SETD2: variants seen among roughly 807,000 people sequenced by gnomAD.
SETD2 encodes histone-lysine N-methyltransferase SETD2.
Under a neutral mutation model 242.1 loss-of-function variants are expected in SETD2, and 31 were observed. That is an observed-to-expected ratio of 0.13 (90% CI 0.10 to 0.17). The LOEUF (loss-of-function observed/expected upper bound fraction) is 0.17, where lower values mean the gene tolerates loss of function less well. Among genes scored for constraint, SETD2 ranks in the 10% least tolerant of loss-of-function variants. The pLI is 1.00. For synonymous variants in SETD2, 1,006 were observed against 1,066.5 expected (o/e 0.94, Z 1.11); for missense variants, 2,481 against 3,046.3 (o/e 0.81, Z 4.37).
chr3:47,056,637 G>A (rs1380753227), intron 15 of SETD2, among the ~76,000 whole-genome samples, 184 bp downstream of exon 15: 2 of 152,122 alleles, frequency 1.3e-5, no homozygotes, highest in African/African-American at 4.8e-5. Context: ...AGCTGCTTCT[G>A]AGTTACTTAT....
At chr3:47,151,657 A>T (rs904645279) in intron 1 of SETD2, among the ~76,000 whole-genome samples, 1 of 151,946 alleles carries the variant, frequency 6.6e-6, no homozygotes, top group Non-Finnish European at 1.5e-5. Context: ...GTGAAACTCC[A>T]TCTCTGCTAA....
chr3:47,083,942 A>C lies in SETD2; in HGVS notation c.5838T>G (p.Ala1946=). ...CKVDSETNIE[A]SKLPTSEPEA... is the part of the protein sequence containing the mutation. ...CTGGTTCAGATGTAGGTAGCTTACT[A>C]GCTTCTATGTTGGTTTCACTATCAA... The change falls in exon 12 of 21, where the codon GCT becomes GCG. Residue 1946 remains alanine (A), a synonymous_variant. Coordinates refer to ENST00000409792, the MANE Select transcript of SETD2 (RefSeq NM_014159.7). The C allele has an allele frequency of 6.2e-7, 1 of 1,614,098 alleles. No individual in the cohort carries two copies. Among genetic ancestry groups the C allele is most frequent in the Non-Finnish European group, 8.5e-7 (1 of 1,180,004 alleles).
intron 8 of SETD2, 97 bp from the exon 9 acceptor site, chr3:47,098,178 T>A (rs2107675536): frequency 7.9e-7 from 1 of 1,273,222 alleles, no homozygotes; most frequent in Admixed American, 2.5e-5. Flanking sequence ...CTAAACAAAA[T>A]CAAACAAACA....
chr3:47,029,502 A>G (rs1025250099), intron 18 of SETD2, among the ~76,000 whole-genome samples: 1 of 151,720 alleles, frequency 6.6e-6, no homozygotes, highest in Admixed American at 6.6e-5. Context: ...AAAACAAAAT[A>G]AAAAACACAC....
At chr3:47,147,638 T>C (rs981265953) in intron 1 of SETD2, among the ~76,000 whole-genome samples, 1 of 150,884 alleles carries the variant, frequency 6.6e-6, no homozygotes, top group South Asian at 2.1e-4. Context: ...TAAGATAGTT[T>C]CTAGGCCGGG....
At position 47,105,776 on chromosome 3, in the gene SETD2, G is replaced by A. The variant is rs892033646; in HGVS notation, c.4839+221C>T. 4 of 471,226 alleles carry A rather than the reference G, an allele frequency of 8.5e-6. No homozygotes were observed. Among genetic ancestry groups the A allele is most frequent in the South Asian group, 1.9e-5 (1 of 52,676 alleles). The allele number at this position is 471,226 out of a possible 1,614,324, so 29.2% of individuals were successfully genotyped here. The stretch of plus-strand genomic sequence containing the variant: ...AAATTAGCAAGGCGTGGTGGCGGGC[G>A]CCTGTAATCCCAGCTACTCAGGAAG... On this transcript the variant is annotated intron_variant, in intron 6 of 20. Transcript: ENST00000409792.
intron 9 of SETD2, among the ~76,000 whole-genome samples, chr3:47,090,983 A>G (rs2041781052): frequency 1.3e-5 from 2 of 152,222 alleles, no homozygotes; most frequent in Non-Finnish European, 1.5e-5. Context: ...AACAAGAATA[A>G]ATGAGAAAAA....
At chr3:47,045,808 C>G (rs1294246548) in intron 16 of SETD2, among the ~76,000 whole-genome samples, 1 of 141,360 alleles carries the variant, frequency 7.1e-6, no homozygotes, top group African/African-American at 2.6e-5. Context: ...TGGAGTCTTG[C>G]TCTGTCACCT....
In SETD2 at chr3:47,057,113, G is replaced by A; in HGVS notation, c.6671C>T (p.Pro2224Leu). 1 of 1,614,230 alleles carries A rather than the reference G, an allele frequency of 6.2e-7. No individual in the cohort carries two copies. The highest frequency in any genetic ancestry group is 8.5e-7 in the Non-Finnish European group (1 of 1,180,026). ...TEPLSAPPPV[P>L]VVPHVAAPVE... ...AGGAGCTGCCACATGTGGCACCACT[G>A]GTACTGGTGGAGGGGCAGAAAGGGG... The change falls in exon 15 of 21, where the codon CCA becomes CTA. Residue 2224 changes from proline to leucine, a missense_variant. Physicochemically the swap from Pro to Leu is moderately conservative, Grantham distance 98. Transcript: ENST00000409792.
chr3:47,071,625 G>A (rs1174978761), intron 12 of SETD2, among the ~76,000 whole-genome samples: 1 of 150,508 alleles, frequency 6.6e-6, no homozygotes, highest in Non-Finnish European at 1.5e-5. Context: ...GGAAATTTAA[G>A]AAACAATAAC....
intron 15 of SETD2, among the ~76,000 whole-genome samples, chr3:47,053,322 T>G (rs2039928975): frequency 6.6e-6 from 1 of 152,220 alleles, no homozygotes; most frequent in Non-Finnish European, 1.5e-5. Flanking sequence ...CTGGATCACT[T>G]CACTTTATAC....
chr3:47,132,230 T>G (rs1286794998), intron 1 of SETD2, among the ~76,000 whole-genome samples: 1 of 147,518 alleles, frequency 6.8e-6, no homozygotes, highest in East Asian at 2.0e-4. Flanking sequence ...CCTTCCAAAC[T>G]CAAGTGATTT....
chr3:47,047,690 T>C (rs1023862848), intron 15 of SETD2, among the ~76,000 whole-genome samples: 2 of 152,234 alleles, frequency 1.3e-5, no homozygotes, highest in Non-Finnish European at 2.9e-5. Flanking sequence ...TAATTTGGTA[T>C]TCTGGATCAG....
chr3:47,138,657 G>GGAGGCCA (rs2043650904), intron 1 of SETD2, among the ~76,000 whole-genome samples: 1 of 151,846 alleles, frequency 6.6e-6, no homozygotes, highest in Non-Finnish European at 1.5e-5. Context: ...CCAAACTCTG[G>GGAGGCCA]TGATTCACCC....
At chr3:47,161,943 A>G (rs1488704028) in intron 1 of SETD2, among the ~76,000 whole-genome samples, 1 of 152,056 alleles carries the variant, frequency 6.6e-6, no homozygotes, top group African/African-American at 2.4e-5. Flanking sequence ...ATACACGAGA[A>G]TTTAAAAATA....
chr3:47,075,424 C>T (rs1471275704), intron 12 of SETD2, among the ~76,000 whole-genome samples: 1 of 151,166 alleles, frequency 6.6e-6, no homozygotes, highest in Non-Finnish European at 1.5e-5. Flanking sequence ...ATTAGCCGGG[C>T]GTGGTGGTGC....
intron 18 of SETD2, among the ~76,000 whole-genome samples, chr3:47,034,525 T>C (rs569275227): frequency 1.3e-5 from 2 of 152,340 alleles, no homozygotes; most frequent in African/African-American, 4.8e-5. Context: ...TAGCCAGGCA[T>C]GGTGGCATGT....
intron 12 of SETD2, among the ~76,000 whole-genome samples, chr3:47,068,653 T>C (rs190411497): frequency 2.0e-5 from 3 of 152,164 alleles, no homozygotes; most frequent in South Asian, 4.1e-4. Flanking sequence ...CACACCACCA[T>C]GCCCAGCTAA....
intron 2 of SETD2, among the ~76,000 whole-genome samples, chr3:47,124,752 T>C (rs968331675): frequency 2.0e-5 from 3 of 152,220 alleles, no homozygotes; most frequent in African/African-American, 7.2e-5. Flanking sequence ...AATCCCTAAG[T>C]ATCCACTCCA....
Sources: gnomAD v4.1 joint callset for allele counts (sites outside exome capture counted in the v4.1 genomes callset) on GRCh38, gnomAD v4.1.1 for gene constraint, MANE v1.5 for transcripts, NCBI Gene and HGNC (gene_info 2026-07-23, HGNC 2026-07-21) for gene names.